DST: variants seen among roughly 807,000 people sequenced by gnomAD.
DST encodes the protein bullous pemphigoid antigen.
DST carries 253 observed loss-of-function variants against 875.2 expected under a neutral mutation model. The observed-to-expected ratio is 0.29, with a 90% CI of 0.26 to 0.32. The LOEUF (loss-of-function observed/expected upper bound fraction) is 0.32, where lower values mean the gene tolerates loss of function less well. DST is among the 10% of genes least tolerant of loss of function. The pLI is 1.00. For missense variants in DST, 8,287 were observed against 9,111.6 expected, an observed-to-expected ratio of 0.91 and a Z score of 3.68; for synonymous variants, 3,124 against 3,197.1, an observed-to-expected ratio of 0.98 and a Z score of 0.77.
At chr6:56,767,686 T>C (rs1326924702) in intron 4 of DST, among the ~76,000 whole-genome samples, 3 of 151,808 alleles carry the variant, frequency 2.0e-5, no homozygotes, top group African/African-American at 7.3e-5. Flanking sequence ...ATGTTCATAG[T>C]GATGGCTGTG....
Position 56,598,628 on chromosome 6 carries a change from C to T in DST, c.11776G>A (p.Gly3926Ser). ...KNTENFLKEN[G>S]EKLSQEDKAL... The stretch of plus-strand genomic sequence containing the variant: ...TTATCTTCCTGTGACAGCTTTTCAC[C>T]ATTCTCTTTTAAGAAGTTCTCTGTG... The change falls in exon 46 of 104, where the codon GGT becomes AGT. Residue 3926 changes from glycine (G) to serine (S), a missense_variant. Physicochemically the swap from Gly to Ser is moderately conservative, Grantham distance 56. Transcript: ENST00000680361. The T allele has an allele frequency of 6.2e-7, 1 of 1,611,942 alleles. No homozygotes were observed. Among genetic ancestry groups the T allele is most frequent in the Non-Finnish European group, 8.5e-7 (1 of 1,178,828 alleles).
At chr6:56,919,021 T>G (rs2127735139) in intron 2 of DST, among the ~76,000 whole-genome samples, 1 of 152,304 alleles carries the variant, frequency 6.6e-6, no homozygotes, top group East Asian at 1.9e-4. Context: ...ATTATTTTCT[T>G]CTCTGAATTG....
At position 56,557,359 on chromosome 6, in the gene DST, A is replaced by G. The variant is rs1167778574; in HGVS notation, c.14600T>C (p.Ile4867Thr). 6.2e-7 allele frequency: 1 copy of G among 1,613,708 alleles called. No individual in the cohort carries two copies. The highest frequency in any genetic ancestry group is 1.1e-5 in the South Asian group (1 of 91,032). Reference protein sequence around the residue: ...LMVSVLGPLSIDPNMLNTQRQ... With the variant: ...LMVSVLGPLSTDPNMLNTQRQ... ...TTGTGTGTTTAGCATATTTGGGTCA[A>G]TTGACAAGGGCCCAAGAACACTGAC... is the stretch of plus-strand genomic sequence containing the variant. Residue 4867 changes from isoleucine (I) to threonine (T), a missense_variant, in exon 59 of 104, where the codon ATT becomes ACT. Ile to Thr is a moderately conservative substitution (Grantham distance 89, BLOSUM62 -1). This residue lies in a region of DST where 1,513 missense variants were observed against 1,677.8 expected (regional missense o/e 0.90). Transcript: ENST00000680361.
chr6:56,930,645 G>C (rs992820482), intron 2 of DST, among the ~76,000 whole-genome samples: 10 of 152,034 alleles, frequency 6.6e-5, no homozygotes, highest in African/African-American at 2.4e-4. Flanking sequence ...TCTTCTTTCT[G>C]GCTCACCTGA....
intron 88 of DST, 157 bp downstream of exon 88, chr6:56,485,155 G>T: frequency 2.7e-6 from 2 of 748,048 alleles, no homozygotes; most frequent in South Asian, 4.3e-5. Flanking sequence ...TTTGCTTCCA[G>T]GTTCTGCTCA....
Position 56,492,916 on chromosome 6 carries a change from A to G in DST, c.20550+18T>C, listed in dbSNP as rs746069978. 18 of 1,535,584 alleles carry G rather than the reference A, an allele frequency of 1.2e-5. No homozygotes were observed. The highest frequency in any genetic ancestry group is 1.6e-5 in the Non-Finnish European group (18 of 1,145,414). On this transcript the variant is annotated intron_variant, in intron 84 of 103. Coordinates refer to ENST00000680361, the MANE Select transcript of DST (RefSeq NM_001374736.1). Reference sequence around the variant, plus strand: ...GGTGTCTGAAAAGAGAATCCTATCTATTTGACTCACTACATACCTTGTGTT... The same window carrying G: ...GGTGTCTGAAAAGAGAATCCTATCTGTTTGACTCACTACATACCTTGTGTT...
At chr6:56,913,972 T>C (rs138507441) in intron 2 of DST, among the ~76,000 whole-genome samples, 89 of 152,302 alleles carry the variant, frequency 5.8e-4, no homozygotes, top group Middle Eastern at 3.4e-3. Context: ...ATCCTTCCCA[T>C]CTCCAGCTTT....
intron 75 of DST, 96 bp from the exon 76 acceptor site, chr6:56,506,885 G>T: frequency 5.6e-6 from 7 of 1,254,396 alleles, no homozygotes; most frequent in East Asian, 2.6e-5. Context: ...ATTTCTAGAA[G>T]GTGGCATTCT....
chr6:56,910,632 A>T (rs1240925320), intron 2 of DST, among the ~76,000 whole-genome samples: 1 of 151,932 alleles, frequency 6.6e-6, no homozygotes, highest in East Asian at 1.9e-4. Context: ...TTACAGGCAT[A>T]TACCACCACA....
intron 48 of DST, among the ~76,000 whole-genome samples, chr6:56,593,075 A>C (rs901143103): frequency 2.6e-5 from 4 of 152,160 alleles, no homozygotes; most frequent in African/African-American, 9.7e-5. Flanking sequence ...TTTTGCTTAG[A>C]GTCAATGCAC....
At chr6:56,799,027 AG>A in intron 4 of DST, among the ~76,000 whole-genome samples, 1 of 152,248 alleles carries the variant, frequency 6.6e-6, no homozygotes, top group East Asian at 1.9e-4. Context: ...GGATCAGCAA[AG>A]AAAGTGGTTT....
At chr6:56,788,470 T>A (rs2099709653) in intron 4 of DST, among the ~76,000 whole-genome samples, 1 of 152,058 alleles carries the variant, frequency 6.6e-6, no homozygotes, top group Admixed American at 6.5e-5. Context: ...ATGTGAGCCA[T>A]CGCTCCCAGC....
At chr6:56,686,440 ATTTT>A (rs1027762460) in intron 9 of DST, among the ~76,000 whole-genome samples, 1 of 152,174 alleles carries the variant, frequency 6.6e-6, no homozygotes, top group Admixed American at 6.5e-5. Flanking sequence ...AATCTTAAAT[ATTTT>A]TTTAAATGGT....
intron 3 of DST, among the ~76,000 whole-genome samples, chr6:56,885,200 C>A (rs901882942): frequency 2.0e-5 from 3 of 152,164 alleles, no homozygotes; most frequent in African/African-American, 7.2e-5. Flanking sequence ...TTCAGGGACT[C>A]CCCTAACCTA....
Position 56,508,679 on chromosome 6 carries a change from T to C in DST, c.19089A>G (p.Lys6363=), listed in dbSNP as rs1363014287. ...CTGCTAGCTCCATCACATCCAGTAG[T>C]TTGGCTTCCCTCTCTTCCACCAGTG... ...IHTLVEEREA[K]LLDVMELAEK... Residue 6363 remains lysine (K), a synonymous_variant, in exon 75 of 104, where the codon AAA becomes AAG. Coordinates refer to ENST00000680361, the MANE Select transcript of DST (RefSeq NM_001374736.1). 2 of 1,613,868 alleles carry C rather than the reference T, an allele frequency of 1.2e-6. No individual in the cohort carries two copies. The highest frequency in any genetic ancestry group is 4.5e-5 in the East Asian group (2 of 44,880).
chr6:56,720,608 C>T (rs1414391038), intron 5 of DST, among the ~76,000 whole-genome samples: 5 of 152,020 alleles, frequency 3.3e-5, no homozygotes, highest in African/African-American at 4.8e-5. Context: ...CATCTTGCAC[C>T]GCCCTTAATC....
rs182717803 is a variant in DST, at chr6:56,688,793, G to A, written c.1047+10860C>T. Among the ~76,000 whole-genome samples the A allele has an allele frequency of 2.7e-4, 41 of 152,204 alleles. No individual in the cohort carries two copies. In the East Asian group the frequency reaches 7.3e-3, roughly 27 times the overall value. ...ACAAACAATGAGATATAATGCACAA[G>A]GAAAAGAGCTACGTTTTACTTATCT... On this transcript the variant is annotated intron_variant, in intron 9 of 103. Coordinates refer to ENST00000680361, the MANE Select transcript of DST (RefSeq NM_001374736.1).
chr6:56,703,644 C>G lies in DST; in HGVS notation c.876+4G>C. ...GTTAGTCAAGTTATGGGGGCGACAC[C>G]TACCCCCTTATCCTCATCCTCCACA... On this transcript the variant is annotated splice_donor_region_variant and intron_variant, in intron 7 of 103. Transcript: ENST00000680361. 6 of 976,158 alleles carry G rather than the reference C, an allele frequency of 6.1e-6. No homozygotes were observed. The highest frequency in any genetic ancestry group is 7.3e-6 in the Non-Finnish European group (6 of 821,490). The allele number at this position is 976,158 out of a possible 1,614,324, so 60.5% of individuals were successfully genotyped here.
intron 49 of DST, among the ~76,000 whole-genome samples, chr6:56,588,849 A>G (rs2098215434): frequency 6.6e-6 from 1 of 152,160 alleles, no homozygotes; most frequent in South Asian, 2.1e-4. Context: ...CACAACCTAC[A>G]GTTGTTTCAA....
Sources: gnomAD v4.1 joint callset for allele counts (sites outside exome capture counted in the v4.1 genomes callset) on GRCh38, gnomAD v4.1.1 for gene constraint, gnomAD v4.1.1 regional missense constraint, MANE v1.5 for transcripts, NCBI Gene and HGNC (gene_info 2026-07-23, HGNC 2026-07-21) for gene names.